The following RPA1 variants were observed in gnomAD, a reference collection of about 807,000 sequenced individuals.
RPA1 encodes replication protein A1.
In RPA1, 49 loss-of-function variants were observed where a neutral mutation model predicts 83.0. The observed-to-expected ratio is 0.59, with a 90% CI of 0.47 to 0.75. The LOEUF is 0.75. Ranked by LOEUF, RPA1 falls within the 30% of genes least tolerant of loss-of-function variation. RPA1 has a pLI of 0.00. For synonymous variants in RPA1, 279 were observed against 281.8 expected (o/e 0.99, Z 0.10); for missense variants, 693 against 776.1 (o/e 0.89, Z 1.27).
At chr17:1,849,660 A>G (rs1487304629) in intron 4 of RPA1, among the ~76,000 whole-genome samples, 3 of 151,804 alleles carry the variant, frequency 2.0e-5, no homozygotes, top group Non-Finnish European at 4.4e-5. Flanking sequence ...AGCGCTGTCA[A>G]AACTTTGTTG....
Position 1,884,416 on chromosome 17 carries a change from G to A in RPA1, c.1374+472G>A, listed in dbSNP as rs192618287. 1.5e-4 allele frequency among the ~76,000 whole-genome samples: 23 copies of A among 152,308 alleles called. No individual in the cohort carries two copies. The East Asian group carries it at 4.2e-3, about 28-fold the overall frequency. On this transcript the variant is annotated intron_variant, in intron 13 of 16. Coordinates refer to ENST00000254719, the MANE Select transcript of RPA1 (RefSeq NM_002945.5). The surrounding 1 kb of genome is among the most constrained non-coding windows in gnomAD (Gnocchi z 4.1). ...GTATTAACCTCATAGGCTGAGAGCT[G>A]CCGGCATTCCCGGACAAGGATTGGC...
At chr17:1,853,805 C>T (rs1359444954) in intron 5 of RPA1, among the ~76,000 whole-genome samples, 1 of 152,164 alleles carries the variant, frequency 6.6e-6, no homozygotes, top group Admixed American at 6.5e-5. Context: ...ACGTGTTTTC[C>T]TAAGACTTAT....
chr17:1,851,429 T>G (rs1192028883), intron 4 of RPA1, among the ~76,000 whole-genome samples: 21 of 152,212 alleles, frequency 1.4e-4, no homozygotes, highest in Non-Finnish European at 4.4e-5. Context: ...AGAAACCAGG[T>G]CATTTATCCT....
Position 1,886,859 on chromosome 17 carries a change from C to T in RPA1, c.1375-1816C>T, listed in dbSNP as rs1427424019. On this transcript the variant is annotated intron_variant, in intron 13 of 16. Transcript: ENST00000254719. Reference sequence around the variant, plus strand: ...AGATTTTTGTAGAGACTAGGTCTCACTATGTTGCCTGGCTGGTATCGAACT... The same window carrying T: ...AGATTTTTGTAGAGACTAGGTCTCATTATGTTGCCTGGCTGGTATCGAACT... 2.6e-5 allele frequency among the ~76,000 whole-genome samples: 4 copies of T among 152,088 alleles called. No homozygotes were observed. The East Asian group carries it at 7.7e-4, about 29-fold the overall frequency.
At chr17:1,896,498 T>A (rs1331349718) in intron 16 of RPA1, among the ~76,000 whole-genome samples, 1 of 149,844 alleles carries the variant, frequency 6.7e-6, no homozygotes, top group Admixed American at 6.6e-5. Flanking sequence ...GGGGATCAGA[T>A]GTCACCGTGA....
chr17:1,890,573 G>A (rs1914165595), intron 14 of RPA1, among the ~76,000 whole-genome samples: 1 of 152,024 alleles, frequency 6.6e-6, no homozygotes, highest in Non-Finnish European at 1.5e-5. Flanking sequence ...TGAGGCCGGG[G>A]AATGGCATGA....
intron 7 of RPA1, among the ~76,000 whole-genome samples, chr17:1,876,892 C>G (rs1192477734): frequency 6.6e-6 from 1 of 152,192 alleles, no homozygotes; most frequent in African/African-American, 2.4e-5. Flanking sequence ...GCTGGTGTTA[C>G]TGTATTTTCC....
chr17:1,831,580 T>A (rs182454426), intron 1 of RPA1, among the ~76,000 whole-genome samples: 7 of 151,828 alleles, frequency 4.6e-5, no homozygotes, highest in Non-Finnish European at 4.4e-5. Context: ...ACTCCTACCT[T>A]CTTCCATGGG....
chr17:1,859,208 T>C (rs1385414700), intron 5 of RPA1, among the ~76,000 whole-genome samples: 1 of 152,134 alleles, frequency 6.6e-6, no homozygotes, highest in Non-Finnish European at 1.5e-5. Context: ...CAGCCTTGAG[T>C]CTTATTTTAT....
chr17:1,894,357 G>C (rs1170172458), intron 15 of RPA1, among the ~76,000 whole-genome samples: 1 of 152,038 alleles, frequency 6.6e-6, no homozygotes, highest in Non-Finnish European at 1.5e-5. Context: ...AGTAGAGATG[G>C]GGTTTCACCG....
At position 1,830,905 on chromosome 17, in the gene RPA1, A is replaced by G. The variant is rs141977464; in HGVS notation, c.33+779A>G. On this transcript the variant is annotated intron_variant, in intron 1 of 16. Transcript: ENST00000254719. ...CTCAGCCTCCCGAGTAGCTGGGACT[A>G]CATGTGTGCGCCACCACACTCGGCT... Among the ~76,000 whole-genome samples, 20 of 152,032 alleles carry G rather than the reference A, an allele frequency of 1.3e-4. No homozygotes were observed. In the East Asian group the frequency reaches 1.5e-3, roughly 12 times the overall value.
At chr17:1,862,686 TAAG>T (rs1467643416) in intron 5 of RPA1, among the ~76,000 whole-genome samples, 3 of 140,498 alleles carry the variant, frequency 2.1e-5, no homozygotes, top group African/African-American at 8.1e-5. Context: ...CCTAAAGTGC[TAAG>T]ATTATTGGCG....
At position 1,899,207 on chromosome 17, in the gene RPA1, G is replaced by A. The variant is rs17339395; in HGVS notation, c.*2032G>A. ...TCCCCACTCAAAGATCAGATCACCA[G>A]CAGAGGAGCATCAGAAACTGGCTCC... On this transcript the variant is annotated 3_prime_UTR_variant, in exon 17 of 17. Coordinates refer to ENST00000254719, the MANE Select transcript of RPA1 (RefSeq NM_002945.5). 32,624 of 152,934 alleles carry A rather than the reference G, an allele frequency of 0.21. 3,516 individuals carry two copies. The highest frequency in any genetic ancestry group is 0.27 in the East Asian group (1,405 of 5,172). 9.5% of individuals were successfully genotyped at this position (152,934 alleles called of 1,614,324 possible). A position where few individuals can be genotyped will look rare whatever the true frequency, so the allele number is the denominator to read the frequency against.
chr17:1,834,904 C>T (rs1597414230), intron 1 of RPA1, among the ~76,000 whole-genome samples: 1 of 152,070 alleles, frequency 6.6e-6, no homozygotes, highest in African/African-American at 2.4e-5. Flanking sequence ...CTCTGTTGCC[C>T]AGGCTGGGGT....
rs187051220 is a variant in RPA1, at chr17:1,834,008, C to T, written c.33+3882C>T. 3.3e-5 allele frequency among the ~76,000 whole-genome samples: 5 copies of T among 152,188 alleles called. No homozygotes were observed. The East Asian group carries it at 9.6e-4, about 29-fold the overall frequency. The stretch of plus-strand genomic sequence containing the variant: ...ATCAGCCTGGCCAACATGGGGAAAC[C>T]CTGGTCTACTAAAAATACAAAATTA... On this transcript the variant is annotated intron_variant, in intron 1 of 16. Coordinates refer to ENST00000254719, the MANE Select transcript of RPA1 (RefSeq NM_002945.5).
At chr17:1,869,410 C>T (rs1048472538) in intron 5 of RPA1, among the ~76,000 whole-genome samples, 2 of 152,016 alleles carry the variant, frequency 1.3e-5, no homozygotes, top group African/African-American at 4.8e-5. Context: ...TGGTGGCCAG[C>T]GCCTGTAATC....
At chr17:1,894,118 C>A (rs576255568) in intron 15 of RPA1, among the ~76,000 whole-genome samples, 62 of 151,478 alleles carry the variant, frequency 4.1e-4, no homozygotes, top group Non-Finnish European at 8.2e-4. Flanking sequence ...GTCCTCCCAC[C>A]TCGGTCTCCC....
intron 14 of RPA1, among the ~76,000 whole-genome samples, chr17:1,891,262 T>C (rs1914190861): frequency 6.6e-6 from 1 of 152,214 alleles, no homozygotes; most frequent in African/African-American, 2.4e-5. Flanking sequence ...GTCAATTTGG[T>C]GACTGACAGA....
Position 1,884,834 on chromosome 17 carries a change from C to G in RPA1, c.1374+890C>G, listed in dbSNP as rs1303363719. ...GACTGAGCAACATGGAAGACCCCTT[C>G]TCTTGAAACAAAAACTTTATTGCTG... On this transcript the variant is annotated intron_variant, in intron 13 of 16. Coordinates refer to ENST00000254719, the MANE Select transcript of RPA1 (RefSeq NM_002945.5). The surrounding 1 kb of genome is among the most constrained non-coding windows in gnomAD (Gnocchi z 4.1). 1.3e-5 allele frequency among the ~76,000 whole-genome samples: 2 copies of G among 152,210 alleles called. No individual in the cohort carries two copies. The highest frequency in any genetic ancestry group is 1.3e-4 in the Admixed American group (2 of 15,276).
Sources: gnomAD v4.1 joint callset for allele counts (sites outside exome capture counted in the v4.1 genomes callset) on GRCh38, gnomAD v4.1.1 for gene constraint, Gnocchi (gnomAD v3.1) non-coding constraint, MANE v1.5 for transcripts, NCBI Gene and HGNC (gene_info 2026-07-23, HGNC 2026-07-21) for gene names.